OGDH: variants seen among roughly 807,000 people sequenced by gnomAD.
OGDH encodes the protein oxoglutarate dehydrogenase, also known as 2-oxoglutarate dehydrogenase complex component E1.
In OGDH, 38 loss-of-function variants were observed where a neutral mutation model predicts 116.6. That is an observed-to-expected ratio of 0.33 (90% CI 0.25 to 0.43). The LOEUF is 0.43. OGDH is among the 20% of genes least tolerant of loss of function. The pLI is 1.00. For missense variants in OGDH, 825 were observed against 1,357.2 expected, an observed-to-expected ratio of 0.61 and a Z score of 6.16; for synonymous variants, 488 against 533.3, an observed-to-expected ratio of 0.92 and a Z score of 1.17.
chr7:44,687,091 A>ATTTTTTT (rs59074567), intron 10 of OGDH, among the ~76,000 whole-genome samples: 6 of 95,538 alleles, frequency 6.3e-5, no homozygotes, highest in East Asian at 3.2e-4. Context: ...ATTTTTTTTA[A>ATTTTTTT]TTTTTTTTTT....
chr7:44,671,447 G>T (rs1258766082), intron 5 of OGDH, among the ~76,000 whole-genome samples: 2 of 152,142 alleles, frequency 1.3e-5, no homozygotes, highest in Non-Finnish European at 1.5e-5. Context: ...GGAGGTTTGT[G>T]GGGGAACAAA....
intron 2 of OGDH, among the ~76,000 whole-genome samples, chr7:44,633,265 A>AC (rs1785523826): frequency 2.0e-5 from 3 of 151,122 alleles, no homozygotes. Flanking sequence ...AAAAAAAAAA[A>AC]AAAAAAAAAC....
intron 1 of OGDH, among the ~76,000 whole-genome samples, chr7:44,611,465 C>A (rs954826822): frequency 1.8e-4 from 28 of 151,652 alleles, no homozygotes; most frequent in Non-Finnish European, 2.9e-5. Flanking sequence ...TTAGTAGAGA[C>A]GGGGTTTCAC....
Position 44,624,432 on chromosome 7 carries a change from C to T in OGDH, c.89C>T (p.Ala30Val), listed in dbSNP as rs200510227. 28 of 1,613,356 alleles carry T rather than the reference C, an allele frequency of 1.7e-5. No individual in the cohort carries two copies. The highest frequency in any genetic ancestry group is 1.6e-4 in the Middle Eastern group (1 of 6,062). ...ACATTTTCACAAAACAGACCAGCAG[C>T]AGCTAGGACATTTCAACAGATTCGG... ...VKTFSQNRPA[A>V]ARTFQQIRCY... Residue 30 changes from alanine (A) to valine (V), a missense_variant, in exon 2 of 23, where the codon GCA becomes GTA. Around this residue, in one of 7 missense-constraint regions of OGDH, gnomAD observed 126 missense variants for 130.4 expected, o/e 0.97. Coordinates refer to ENST00000222673, the MANE Select transcript of OGDH (RefSeq NM_002541.4).
intron 1 of OGDH, among the ~76,000 whole-genome samples, chr7:44,612,396 T>A (rs868152223): frequency 4.6e-5 from 7 of 152,288 alleles, no homozygotes; most frequent in Non-Finnish European, 1.0e-4. Context: ...TCTTTTTTTT[T>A]TCTTGTGACG....
At chr7:44,612,348 T>C (rs907987560) in intron 1 of OGDH, among the ~76,000 whole-genome samples, 3 of 152,174 alleles carry the variant, frequency 2.0e-5, no homozygotes, top group Non-Finnish European at 4.4e-5. Flanking sequence ...CTCACTTCTT[T>C]TTCAAAATTG....
intron 2 of OGDH, among the ~76,000 whole-genome samples, chr7:44,632,908 A>G (rs1006906310): frequency 2.7e-5 from 4 of 150,184 alleles, no homozygotes; most frequent in Non-Finnish European, 3.0e-5. Flanking sequence ...GTACTTTAAG[A>G]AAAAAAAAAT....
In OGDH at chr7:44,694,725, A is replaced by G. The variant is rs1026498210; in HGVS notation, c.1668+149A>G. ...ATTTACAACTACAGCATTTCAATGC[A>G]TAACTTTTTGGAGAATCTGGGCCAC... is the stretch of plus-strand genomic sequence containing the variant. On this transcript the variant is annotated intron_variant, in intron 12 of 22. Coordinates refer to ENST00000222673, the MANE Select transcript of OGDH (RefSeq NM_002541.4). The surrounding 1 kb of genome is among the most constrained non-coding windows in gnomAD (Gnocchi z 4.2). The G allele has an allele frequency of 3.3e-6, 3 of 909,444 alleles. No individual in the cohort carries two copies. Among genetic ancestry groups the G allele is most frequent in the Non-Finnish European group, 4.9e-6 (3 of 610,404 alleles). The allele number at this position is 909,444 out of a possible 1,614,324, so 56.3% of individuals were successfully genotyped here. A position where few individuals can be genotyped will look rare whatever the true frequency, so the allele number is the denominator to read the frequency against.
intron 4 of OGDH, among the ~76,000 whole-genome samples, chr7:44,663,449 G>A (rs1380110717): frequency 5.3e-5 from 8 of 152,086 alleles, no homozygotes; most frequent in Non-Finnish European, 1.5e-5. Flanking sequence ...CCCGGCCAAC[G>A]TGGGAAAACT....
intron 2 of OGDH, among the ~76,000 whole-genome samples, chr7:44,637,818 C>CAAA (rs59064314): frequency 8.5e-6 from 1 of 117,890 alleles, no homozygotes. Flanking sequence ...GACTCTGTCT[C>CAAA]AAAAAAAAAA....
At chr7:44,698,851 A>G (rs1788702593) in intron 18 of OGDH, among the ~76,000 whole-genome samples, 1 of 151,334 alleles carries the variant, frequency 6.6e-6, no homozygotes, top group South Asian at 2.1e-4. Context: ...AAAAAAAAAA[A>G]AAAAAAGAAC....
intron 10 of OGDH, among the ~76,000 whole-genome samples, chr7:44,683,233 TTTTG>T (rs778721736): frequency 3.0e-4 from 45 of 152,262 alleles, no homozygotes; most frequent in Middle Eastern, 3.4e-3. Flanking sequence ...TGTTTTAGAT[TTTTG>T]TTTGTTTGTT....
chr7:44,667,931 C>G (rs1332721116), intron 5 of OGDH, among the ~76,000 whole-genome samples: 1 of 152,144 alleles, frequency 6.6e-6, no homozygotes, highest in African/African-American at 2.4e-5. Context: ...TTGAACCACA[C>G]TGGCCATCAG....
chr7:44,624,158 A>G (rs1785107379), intron 1 of OGDH, among the ~76,000 whole-genome samples, 159 bp from the exon 2 acceptor site: 1 of 151,514 alleles, frequency 6.6e-6, no homozygotes, highest in Non-Finnish European at 1.5e-5. Context: ...CTCCTCAACA[A>G]TTAGAGTTGA....
chr7:44,660,115 A>G (rs1175168422), intron 4 of OGDH, among the ~76,000 whole-genome samples: 2 of 152,068 alleles, frequency 1.3e-5, no homozygotes, highest in Non-Finnish European at 2.9e-5. Flanking sequence ...TTGATATGTT[A>G]TATTTTCATT....
At chr7:44,666,976 G>A in intron 5 of OGDH, 125 bp downstream of exon 5, 1 of 617,172 alleles carries the variant, frequency 1.6e-6, no homozygotes, top group Non-Finnish European at 2.7e-6. Context: ...CTCTGAGACA[G>A]AGTTACTGTC....
intron 10 of OGDH, among the ~76,000 whole-genome samples, chr7:44,682,139 A>G (rs764191960): frequency 2.0e-5 from 3 of 152,182 alleles, no homozygotes; most frequent in Admixed American, 1.3e-4. Flanking sequence ...TCAGTCCTGT[A>G]ATCCCAGCAC....
chr7:44,682,116 C>T (rs1787952335), intron 10 of OGDH, among the ~76,000 whole-genome samples: 1 of 152,098 alleles, frequency 6.6e-6, no homozygotes, highest in Non-Finnish European at 1.5e-5. Flanking sequence ...ACTGGGTGGC[C>T]GGGTGCAGTG....
In OGDH at chr7:44,616,617, G is replaced by GTATA. The variant is rs60999721; in HGVS notation, c.-27-7691_-27-7688dup. ...TTTTTCCTAGGCTACATATATATATGTATATATATATACACATGTTTATGT... is the reference window on the plus strand; with the variant it reads ...TTTTTCCTAGGCTACATATATATATGTATATATATATATATACACATGTTTATGT... On this transcript the variant is annotated intron_variant, in intron 1 of 22. Transcript: ENST00000222673. Among the ~76,000 whole-genome samples, 308 of 146,038 alleles carry GTATA rather than the reference G, an allele frequency of 2.1e-3. 2 individuals are homozygous for GTATA. The highest frequency in any genetic ancestry group is 5.5e-3 in the African/African-American group (218 of 39,414).
Sources: gnomAD v4.1 joint callset for allele counts (sites outside exome capture counted in the v4.1 genomes callset) on GRCh38, gnomAD v4.1.1 for gene constraint, gnomAD v4.1.1 regional missense constraint, Gnocchi (gnomAD v3.1) non-coding constraint, MANE v1.5 for transcripts, NCBI Gene and HGNC (gene_info 2026-07-23, HGNC 2026-07-21) for gene names.